VAPA: variants seen among roughly 807,000 people sequenced by gnomAD.
VAPA encodes VAMP associated protein A.
Under a neutral mutation model 25.6 loss-of-function variants are expected in VAPA, and 6 were observed. The ratio of observed to expected loss-of-function variants is 0.23; its 90% CI spans 0.13 to 0.46. The LOEUF is 0.46. Among genes scored for constraint, VAPA ranks in the 20% least tolerant of loss-of-function variants. The pLI is 0.99. For missense variants in VAPA, 244 were observed against 302.1 expected (o/e 0.81, Z 1.43); for synonymous variants, 112 against 106.2 (o/e 1.05, Z -0.34).
intron 4 of VAPA, among the ~76,000 whole-genome samples, chr18:9,937,400 A>C (rs1218679755): frequency 6.6e-6 from 1 of 151,996 alleles, no homozygotes; most frequent in Non-Finnish European, 1.5e-5. Context: ...AATACATATA[A>C]ATTGCTTTTT....
At chr18:9,948,500 A>T (rs907181790) in intron 4 of VAPA, 1 of 152,236 alleles carries the variant, frequency 6.6e-6, no homozygotes, top group African/African-American at 2.4e-5. Flanking sequence ...TAAAGAATTT[A>T]AAAATAATCA....
chr18:9,957,861 G>A lies in VAPA; in HGVS notation c.*3650G>A, dbSNP rs2069566686. 3 of 152,220 alleles carry A rather than the reference G, an allele frequency of 2.0e-5. No individual in the cohort carries two copies. The highest frequency in any genetic ancestry group is 2.0e-4 in the Admixed American group (3 of 15,284). The allele number at this position is 152,220 out of a possible 1,614,324, so 9.4% of individuals were successfully genotyped here. On this transcript the variant is annotated 3_prime_UTR_variant, in exon 6 of 6. Coordinates refer to ENST00000400000, the MANE Select transcript of VAPA (RefSeq NM_194434.3). Reference sequence around the variant, plus strand: ...TTAACTATTTTTTAGTAGGAAGTGAGAACAGCTGATTTTCATGCCACGTTT... The same window carrying A: ...TTAACTATTTTTTAGTAGGAAGTGAAAACAGCTGATTTTCATGCCACGTTT...
rs1053334 is a variant in VAPA at position 9,958,084 on chromosome 18, A to G, written c.*3873A>G. On this transcript the variant is annotated 3_prime_UTR_variant, in exon 6 of 6. Coordinates refer to ENST00000400000, the MANE Select transcript of VAPA (RefSeq NM_194434.3). ...TTTTGGAAAATATAAAAAATTCCAA[A>G]TTCTGCCTTTCAGCAGCATCAATTG... The G allele has an allele frequency of 6.6e-6, 1 of 152,252 alleles. No homozygotes were observed. The highest frequency in any genetic ancestry group is 1.5e-5 in the Non-Finnish European group (1 of 68,038). 9.4% of individuals were successfully genotyped at this position (152,252 alleles called of 1,614,324 possible). A position where few individuals can be genotyped will look rare whatever the true frequency, so the allele number is the denominator to read the frequency against.
At position 9,957,723 on chromosome 18, in the gene VAPA, A is replaced by C. The variant is rs561003716; in HGVS notation, c.*3512A>C. 3 of 152,368 alleles carry C rather than the reference A, an allele frequency of 2.0e-5. No individual in the cohort carries two copies. The East Asian group carries it at 5.8e-4, about 29-fold the overall frequency. The allele number at this position is 152,368 out of a possible 1,614,324, so 9.4% of individuals were successfully genotyped here. ...GTCCTTTTCCTTTTCACAATACAAA[A>C]AAAATTTCAACAGATTGTGTGGTTT... On this transcript the variant is annotated 3_prime_UTR_variant, in exon 6 of 6. Transcript: ENST00000400000.
intron 1 of VAPA, among the ~76,000 whole-genome samples, chr18:9,922,034 G>A (rs2069160928): frequency 6.6e-6 from 1 of 152,158 alleles, no homozygotes; most frequent in Non-Finnish European, 1.5e-5. Flanking sequence ...CTGAAGTGCA[G>A]TGGTGCTGTT....
chr18:9,934,097 A>T (rs977829972), intron 2 of VAPA, among the ~76,000 whole-genome samples: 4 of 152,228 alleles, frequency 2.6e-5, no homozygotes, highest in African/African-American at 9.6e-5. Context: ...CTTAATTAGA[A>T]TTTGGCTTTT....
rs764978574 is a variant in VAPA, at chr18:9,946,419, C to T, written c.418-3976C>T. Among the ~76,000 whole-genome samples the T allele has an allele frequency of 7.9e-5, 12 of 152,116 alleles. No homozygotes were observed. The South Asian group carries it at 1.0e-3, about 13-fold the overall frequency. ...ACGTGGCCCATGATGGCTTTGAATCCGGCCCACCTCAAATTCGTAAACTTT... is the reference window on the plus strand; with the variant it reads ...ACGTGGCCCATGATGGCTTTGAATCTGGCCCACCTCAAATTCGTAAACTTT... On this transcript the variant is annotated intron_variant, in intron 4 of 5. Transcript: ENST00000400000.
intron 1 of VAPA, chr18:9,924,033 T>A (rs1305677647): frequency 6.5e-6 from 1 of 152,792 alleles, no homozygotes; most frequent in Non-Finnish European, 1.5e-5. Context: ...TTACTCAATC[T>A]CACAAAATAA....
At chr18:9,918,732 A>G (rs1045345781) in intron 1 of VAPA, among the ~76,000 whole-genome samples, 2 of 152,138 alleles carry the variant, frequency 1.3e-5, no homozygotes, top group Admixed American at 6.5e-5. Flanking sequence ...CTCTGCAGGT[A>G]TTGCTACACC....
At chr18:9,934,156 C>G (rs183810051) in intron 2 of VAPA, among the ~76,000 whole-genome samples, 1 of 152,354 alleles carries the variant, frequency 6.6e-6, no homozygotes, top group Admixed American at 6.5e-5. Flanking sequence ...CAAAGCTATG[C>G]TTCTTCCAAC....
chr18:9,931,257 G>A (rs1233611903), intron 1 of VAPA, among the ~76,000 whole-genome samples: 1 of 152,144 alleles, frequency 6.6e-6, no homozygotes, highest in East Asian at 1.9e-4. Flanking sequence ...TGTTGTTTGG[G>A]TGCAGAACCA....
At chr18:9,950,325 ATTG>A in intron 4 of VAPA, 67 bp from the exon 5 acceptor site, 1 of 1,509,278 alleles carries the variant, frequency 6.6e-7, no homozygotes, top group Non-Finnish European at 9.0e-7. Flanking sequence ...TAGAATTTAT[ATTG>A]TTATTTGTTT....
Position 9,954,087 on chromosome 18 carries a change from C to G in VAPA, c.626C>G (p.Ser209Trp), listed in dbSNP as rs139402315. ...TTAAGGCTCAGAAAGGTAGCACATT[C>G]GGATAAACCTGGATCAACCTCAACT... ...EGLRLRKVAH[S>W]DKPGSTSTAS... The change falls in exon 6 of 6, where the codon TCG (serine) becomes TGG (tryptophan). Residue 209 changes from serine to tryptophan, a missense_variant. Physicochemically the swap from Ser to Trp is radical, Grantham distance 177. Coordinates refer to ENST00000400000, the MANE Select transcript of VAPA (RefSeq NM_194434.3). The G allele has an allele frequency of 8.1e-6, 13 of 1,614,012 alleles. No homozygotes were observed. The highest frequency in any genetic ancestry group is 1.1e-5 in the Non-Finnish European group (13 of 1,179,974).
chr18:9,946,047 C>T (rs2069419803), intron 4 of VAPA, among the ~76,000 whole-genome samples: 2 of 152,158 alleles, frequency 1.3e-5, no homozygotes, highest in Admixed American at 1.3e-4. Flanking sequence ...CTTCCCAAGG[C>T]TTCTTTGCAA....
chr18:9,946,991 TTAGTC>T (rs2069431548), intron 4 of VAPA, among the ~76,000 whole-genome samples: 1 of 152,180 alleles, frequency 6.6e-6, no homozygotes, highest in Non-Finnish European at 1.5e-5. Flanking sequence ...AGCACACACA[TTAGTC>T]TAGGCCTGCA....
chr18:9,919,758 C>T (rs1219650581), intron 1 of VAPA, among the ~76,000 whole-genome samples: 2 of 152,168 alleles, frequency 1.3e-5, no homozygotes, highest in East Asian at 1.9e-4. Flanking sequence ...TGTTTTTATC[C>T]TGAGCCACTA....
chr18:9,920,873 C>T (rs1490180310), intron 1 of VAPA, among the ~76,000 whole-genome samples: 1 of 152,218 alleles, frequency 6.6e-6, no homozygotes, highest in Non-Finnish European at 1.5e-5. Context: ...TGTCCTCCCT[C>T]ACGTCTGTCA....
At chr18:9,942,735 G>T (rs761315311) in intron 4 of VAPA, among the ~76,000 whole-genome samples, 1 of 152,114 alleles carries the variant, frequency 6.6e-6, no homozygotes, top group Non-Finnish European at 1.5e-5. Flanking sequence ...AAGAGAGAGC[G>T]AAGGGGCAGT....
At chr18:9,950,165 A>G in intron 4 of VAPA, 1 of 431,902 alleles carries the variant, frequency 2.3e-6, no homozygotes, top group Non-Finnish European at 4.1e-6. Context: ...AACTTGAACA[A>G]TAATTATTAA....
Sources: allele counts gnomAD v4.1 joint callset (sites outside exome capture counted in the v4.1 genomes callset), GRCh38; gene constraint gnomAD v4.1.1; transcripts MANE v1.5; gene names NCBI Gene and HGNC (gene_info 2026-07-23, HGNC 2026-07-21).